The following CHN2 variants were observed in gnomAD, a reference collection of about 807,000 sequenced individuals.
CHN2 encodes the protein chimerin 2.
In CHN2, 35 loss-of-function variants were observed where a neutral mutation model predicts 56.3. The ratio of observed to expected loss-of-function variants is 0.62; its 90% CI spans 0.47 to 0.82. The LOEUF is 0.82. CHN2 is among the 40% of genes least tolerant of loss of function. The pLI, the probability that CHN2 is intolerant of heterozygous loss-of-function variation, is 0.00. For missense variants in CHN2, 491 were observed against 580.5 expected (o/e 0.85, Z 1.58); for synonymous variants, 210 against 212.8 (o/e 0.99, Z 0.12).
At position 29,325,092 on chromosome 7, in the gene CHN2, A is replaced by C. The variant is rs144792721; in HGVS notation, c.50-29533A>C. ...CCATTTTTGACTCCCTTTACAGTCT[A>C]TCCATTATTATTTCTGGGATCAATT... On this transcript the variant is annotated intron_variant, in intron 1 of 12. Coordinates refer to ENST00000222792, the MANE Select transcript of CHN2 (RefSeq NM_004067.4). Among the ~76,000 whole-genome samples the C allele has an allele frequency of 1.6e-4, 24 of 152,222 alleles. No homozygotes were observed. The East Asian group carries it at 2.7e-3, about 17-fold the overall frequency.
intron 1 of CHN2, among the ~76,000 whole-genome samples, chr7:29,285,667 G>A (rs911285212): frequency 4.6e-5 from 7 of 152,172 alleles, no homozygotes; most frequent in Admixed American, 4.6e-4. Context: ...ATGTACTTAG[G>A]TGTGTTTATT....
At chr7:29,417,333 CTTTT>C (rs5883209) in intron 6 of CHN2, among the ~76,000 whole-genome samples, 3 of 121,148 alleles carry the variant, frequency 2.5e-5, no homozygotes, top group Admixed American at 8.8e-5. Flanking sequence ...TACTGTAACC[CTTTT>C]TTTTTTTTTT....
At chr7:29,227,683 T>G (rs1786318386) in intron 1 of CHN2, among the ~76,000 whole-genome samples, 1 of 152,170 alleles carries the variant, frequency 6.6e-6, no homozygotes, top group Admixed American at 6.5e-5. Context: ...AGCTGAGAGA[T>G]GGAGAACTGA....
intron 1 of CHN2, among the ~76,000 whole-genome samples, chr7:29,298,404 G>A (rs1793364161): frequency 1.3e-5 from 2 of 152,162 alleles, no homozygotes; most frequent in South Asian, 4.1e-4. Flanking sequence ...TTTCGGGGGG[G>A]TTGCATGGAC....
At chr7:29,392,178 T>C (rs1392051763) in intron 3 of CHN2, among the ~76,000 whole-genome samples, 3 of 152,232 alleles carry the variant, frequency 2.0e-5, no homozygotes, top group African/African-American at 7.2e-5. Context: ...TCAACTTTCA[T>C]TGGCTTTTCT....
At chr7:29,276,076 G>A (rs561575886) in intron 1 of CHN2, among the ~76,000 whole-genome samples, 42 of 151,884 alleles carry the variant, frequency 2.8e-4, no homozygotes, top group Non-Finnish European at 4.9e-4. Context: ...AACAAAACAC[G>A]CATGATAGTT....
intron 11 of CHN2, among the ~76,000 whole-genome samples, chr7:29,509,053 G>A (rs1047887155): frequency 2.0e-5 from 3 of 152,156 alleles, no homozygotes; most frequent in African/African-American, 7.2e-5. Flanking sequence ...CAGATTCATG[G>A]AGGGCAAGGA....
At chr7:29,271,310 C>T (rs1314731470) in intron 1 of CHN2, among the ~76,000 whole-genome samples, 1 of 152,196 alleles carries the variant, frequency 6.6e-6, no homozygotes, top group Non-Finnish European at 1.5e-5. Flanking sequence ...GTTGTTTGCT[C>T]CTGGTTGTGT....
At chr7:29,182,183 C>T (rs1798146481) in intron 2 of CHN2, among the ~76,000 whole-genome samples, 1 of 152,166 alleles carries the variant, frequency 6.6e-6, no homozygotes, top group Non-Finnish European at 1.5e-5. Flanking sequence ...ATGAACTGAA[C>T]TTCTATTATA....
intron 4 of CHN2, among the ~76,000 whole-genome samples, chr7:29,396,389 G>A (rs553759418): frequency 1.3e-5 from 2 of 149,778 alleles, no homozygotes; most frequent in Non-Finnish European, 3.0e-5. Flanking sequence ...CCTGGGAGGC[G>A]GAGGTTGCAG....
intron 12 of CHN2, among the ~76,000 whole-genome samples, chr7:29,511,838 G>T (rs187388917): frequency 1.3e-5 from 2 of 152,092 alleles, no homozygotes; most frequent in Non-Finnish European, 2.9e-5. Context: ...GAGATAGATA[G>T]ATTGTAATTT....
At chr7:29,326,282 C>T (rs1330726909) in intron 1 of CHN2, among the ~76,000 whole-genome samples, 1 of 152,128 alleles carries the variant, frequency 6.6e-6, no homozygotes, top group Non-Finnish European at 1.5e-5. Context: ...CTCAGCCTCC[C>T]GAGTAGCTGG....
chr7:29,333,201 G>C (rs1428001851), intron 1 of CHN2, among the ~76,000 whole-genome samples: 4 of 152,120 alleles, frequency 2.6e-5, no homozygotes, highest in Non-Finnish European at 5.9e-5. Flanking sequence ...GTACAGAGCA[G>C]CAATGGGAAC....
chr7:29,339,028 G>T (rs1796834652), intron 1 of CHN2, among the ~76,000 whole-genome samples: 1 of 152,036 alleles, frequency 6.6e-6, no homozygotes. Flanking sequence ...TTTATACAAA[G>T]CCTGTCATAC....
chr7:29,405,159 C>CA (rs1421521499), intron 6 of CHN2, among the ~76,000 whole-genome samples: 11 of 77,780 alleles, frequency 1.4e-4, no homozygotes, highest in African/African-American at 4.4e-4. Flanking sequence ...GTGCTTATGT[C>CA]ACCATACACA....
chr7:29,414,002 C>G (rs1803491378), intron 6 of CHN2, among the ~76,000 whole-genome samples: 1 of 152,140 alleles, frequency 6.6e-6, no homozygotes, highest in South Asian at 2.1e-4. Flanking sequence ...TCTGTGATTT[C>G]TAAGAGAACA....
At chr7:29,498,131 G>C (rs1249311193) in intron 8 of CHN2, among the ~76,000 whole-genome samples, 1 of 152,214 alleles carries the variant, frequency 6.6e-6, no homozygotes. Flanking sequence ...CTTCAGAATT[G>C]CTGGGCAGAT....
chr7:29,284,184 C>T lies in CHN2; in HGVS notation c.50-70441C>T, dbSNP rs1003021046. ...GATCTCCCCTCACTACAACCTCCAC[C>T]TTCTGGGTTCAAGCGATTCTCCTGC... On this transcript the variant is annotated intron_variant, in intron 1 of 12. Transcript: ENST00000222792. 5.3e-5 allele frequency among the ~76,000 whole-genome samples: 8 copies of T among 152,060 alleles called. No individual in the cohort carries two copies. In the South Asian group the frequency reaches 1.2e-3, roughly 24 times the overall value.
intron 2 of CHN2, among the ~76,000 whole-genome samples, chr7:29,167,558 A>T (rs933062056): frequency 9.9e-5 from 15 of 152,240 alleles, no homozygotes; most frequent in African/African-American, 3.6e-4. Flanking sequence ...CGAAGACTAT[A>T]TGAATTTTCA....
Sources: gnomAD v4.1 joint callset for allele counts (sites outside exome capture counted in the v4.1 genomes callset) on GRCh38, gnomAD v4.1.1 for gene constraint, MANE v1.5 for transcripts, NCBI Gene and HGNC (gene_info 2026-07-23, HGNC 2026-07-21) for gene names.